Variants in NALCN observed in about 807,000 individuals in gnomAD.
NALCN encodes the protein sodium leak channel NALCN.
Under a neutral mutation model 225.3 loss-of-function variants are expected in NALCN, and 111 were observed. That is an observed-to-expected ratio of 0.49 (90% CI 0.42 to 0.58). The LOEUF (loss-of-function observed/expected upper bound fraction) is 0.58. Ranked by LOEUF, NALCN falls within the 20% of genes least tolerant of loss-of-function variation. The pLI is 0.00. For synonymous variants in NALCN, 764 were observed against 769.0 expected (o/e 0.99, Z 0.11); for missense variants, 1,378 against 2,202.4 (o/e 0.63, Z 7.49).
chr13:101,368,320 C>A lies in NALCN; in HGVS notation c.644+8380G>T, dbSNP rs368028493. ...TTTCCAATTTCATCCACGTCCCTACCAAGGACATGAACTCATCATTTTTTA... is the reference window on the plus strand; with the variant it reads ...TTTCCAATTTCATCCACGTCCCTACAAAGGACATGAACTCATCATTTTTTA... On this transcript the variant is annotated intron_variant, in intron 6 of 43. Coordinates refer to ENST00000251127, the MANE Select transcript of NALCN (RefSeq NM_052867.4). 5.9e-5 allele frequency among the ~76,000 whole-genome samples: 9 copies of A among 151,914 alleles called. No individual in the cohort carries two copies. In the East Asian group the frequency reaches 1.7e-3, roughly 29 times the overall value.
chr13:101,300,856 T>A (rs2043940401), intron 7 of NALCN, among the ~76,000 whole-genome samples: 1 of 152,260 alleles, frequency 6.6e-6, no homozygotes, highest in Admixed American at 6.5e-5. Context: ...TATAAATGCC[T>A]TAAAAATATT....
rs768564988 is a variant in NALCN, at chr13:101,081,523, T to A, written c.3885+4A>T. The A allele has an allele frequency of 1.2e-6, 2 of 1,614,000 alleles. No individual in the cohort carries two copies. The highest frequency in any genetic ancestry group is 1.7e-6 in the Non-Finnish European group (2 of 1,179,966). On this transcript the variant is annotated splice_donor_region_variant and intron_variant, in intron 34 of 43. Transcript: ENST00000251127. Reference sequence around the variant, plus strand: ...GCTGAAATCAACTTGACTTCTATGCTTACCAGGAGGGCAAAGTGAAGCACC... The same window carrying A: ...GCTGAAATCAACTTGACTTCTATGCATACCAGGAGGGCAAAGTGAAGCACC...
chr13:101,382,835 T>C (rs1444737097), intron 3 of NALCN, among the ~76,000 whole-genome samples: 1 of 152,148 alleles, frequency 6.6e-6, no homozygotes, highest in African/African-American at 2.4e-5. Context: ...CAGAAACATA[T>C]AGTGGCATTC....
intron 13 of NALCN, among the ~76,000 whole-genome samples, chr13:101,226,764 G>C (rs962959117): frequency 6.6e-6 from 1 of 152,174 alleles, no homozygotes; most frequent in Non-Finnish European, 1.5e-5. Context: ...TGCAATTTAT[G>C]ACTCAGCTCT....
At chr13:101,099,429 A>G (rs2034688735) in intron 27 of NALCN, among the ~76,000 whole-genome samples, 1 of 152,040 alleles carries the variant, frequency 6.6e-6, no homozygotes, top group South Asian at 2.1e-4. Flanking sequence ...TAAAATCTAT[A>G]CTAGATAGCC....
chr13:101,400,455 A>G (rs772372012), intron 1 of NALCN, among the ~76,000 whole-genome samples: 3 of 152,062 alleles, frequency 2.0e-5, no homozygotes, highest in Non-Finnish European at 4.4e-5. Flanking sequence ...TGGCTCTCCT[A>G]TCTGGTGCTC....
intron 3 of NALCN, among the ~76,000 whole-genome samples, chr13:101,389,995 T>C (rs1164714922): frequency 6.6e-6 from 1 of 152,134 alleles, no homozygotes; most frequent in Non-Finnish European, 1.5e-5. Context: ...GGCAGGAGAA[T>C]TGCTTGAACC....
At chr13:101,268,035 G>A (rs1475484237) in intron 10 of NALCN, among the ~76,000 whole-genome samples, 1 of 152,074 alleles carries the variant, frequency 6.6e-6, no homozygotes. Flanking sequence ...TTTGAGAAAG[G>A]GTGTGCCTTC....
intron 11 of NALCN, among the ~76,000 whole-genome samples, chr13:101,256,974 A>T (rs1175656169): frequency 6.6e-6 from 1 of 152,096 alleles, no homozygotes; most frequent in Non-Finnish European, 1.5e-5. Context: ...CATGTTGGCC[A>T]GGCTTGTCTC....
At chr13:101,164,098 A>T (rs2038324328) in intron 15 of NALCN, among the ~76,000 whole-genome samples, 2 of 151,882 alleles carry the variant, frequency 1.3e-5, no homozygotes, top group Admixed American at 6.6e-5. Flanking sequence ...ATCTACAAAG[A>T]CCCTATTTCC....
chr13:101,136,747 C>T (rs1039563832), intron 17 of NALCN, among the ~76,000 whole-genome samples: 1 of 152,112 alleles, frequency 6.6e-6, no homozygotes, highest in African/African-American at 2.4e-5. Context: ...CTATTGTGAA[C>T]AGTGCTGCAA....
chr13:101,309,087 C>A (rs1009989030), intron 7 of NALCN, among the ~76,000 whole-genome samples: 1 of 152,128 alleles, frequency 6.6e-6, no homozygotes, highest in Non-Finnish European at 1.5e-5. Flanking sequence ...TATGATTCAA[C>A]AACATGGAGC....
At chr13:101,393,143 C>T (rs2047191990) in intron 3 of NALCN, among the ~76,000 whole-genome samples, 1 of 152,146 alleles carries the variant, frequency 6.6e-6, no homozygotes, top group Non-Finnish European at 1.5e-5. Context: ...ATACTTCTAA[C>T]ACACACAGAG....
chr13:101,123,985 C>T (rs1173354139), intron 18 of NALCN, among the ~76,000 whole-genome samples: 1 of 152,140 alleles, frequency 6.6e-6, no homozygotes, highest in Non-Finnish European at 1.5e-5. Flanking sequence ...CTACATATGT[C>T]TATGTAATAT....
intron 17 of NALCN, among the ~76,000 whole-genome samples, chr13:101,125,834 G>A (rs1177156261): frequency 6.6e-6 from 1 of 152,188 alleles, no homozygotes; most frequent in Non-Finnish European, 1.5e-5. Context: ...TGTGTGCACA[G>A]GGCAAGTTAA....
At chr13:101,346,641 T>G (rs2045747572) in intron 6 of NALCN, among the ~76,000 whole-genome samples, 1 of 152,136 alleles carries the variant, frequency 6.6e-6, no homozygotes, top group Admixed American at 6.6e-5. Context: ...GATAATGACA[T>G]AACCCATTTT....
At position 101,292,085 on chromosome 13, in the gene NALCN, TA is replaced by T. The variant is rs1476358871; in HGVS notation, c.951del (p.Phe317LeufsTer46). The T allele has an allele frequency of 6.2e-7, 1 of 1,613,870 alleles. No homozygotes were observed. The highest frequency in any genetic ancestry group is 8.5e-7 in the Non-Finnish European group (1 of 1,180,002). On this transcript the variant is annotated frameshift_variant, in exon 9 of 44. Coordinates refer to ENST00000251127, the MANE Select transcript of NALCN (RefSeq NM_052867.4). LOFTEE classifies it high-confidence loss of function. The surrounding 1 kb of genome is among the most constrained non-coding windows in gnomAD (Gnocchi z 4.3). ...GCAAATGTTTCAATGATAACAGCAA[TA>T]AACACGTTCTGAAAAAAATCACAAA... ...FFLAWLVKNV[F>X]IAVIIETFAE...
intron 40 of NALCN, among the ~76,000 whole-genome samples, chr13:101,062,770 G>C (rs1010589261): frequency 6.6e-6 from 1 of 151,884 alleles, no homozygotes; most frequent in South Asian, 2.1e-4. Flanking sequence ...CGCCCAGCTA[G>C]TTTTGTATTT....
At chr13:101,101,996 AAAC>A (rs2034846930) in intron 26 of NALCN, among the ~76,000 whole-genome samples, 1 of 152,164 alleles carries the variant, frequency 6.6e-6, no homozygotes, top group African/African-American at 2.4e-5. Context: ...TGCATAAAGA[AAAC>A]AAGAATTTTT....
Sources: allele counts gnomAD v4.1 joint callset (sites outside exome capture counted in the v4.1 genomes callset), GRCh38; gene constraint gnomAD v4.1.1; non-coding constraint Gnocchi (gnomAD v3.1); transcripts MANE v1.5; gene names NCBI Gene and HGNC (gene_info 2026-07-23, HGNC 2026-07-21).